The following FGF12 variants were observed in gnomAD, a reference collection of about 807,000 sequenced individuals.
FGF12 encodes the protein fibroblast growth factor 12.
FGF12 carries 14 observed loss-of-function variants against 23.6 expected under a neutral mutation model. The ratio of observed to expected loss-of-function variants is 0.59; its 90% CI spans 0.39 to 0.93. The LOEUF (loss-of-function observed/expected upper bound fraction) is 0.93, where lower values mean the gene tolerates loss of function less well. Ranked by LOEUF, FGF12 falls within the 40% of genes least tolerant of loss-of-function variation. The probability of loss-of-function intolerance (pLI) is 0.00; values close to 1 mark genes in which losing one functional copy is unlikely to be tolerated. For missense variants in FGF12, 175 were observed against 217.8 expected (o/e 0.80, Z 1.24); for synonymous variants, 62 against 77.3 (o/e 0.80, Z 1.04).
At chr3:192,567,501 C>T (rs2108599945) in intron 2 of FGF12, among the ~76,000 whole-genome samples, 1 of 152,194 alleles carries the variant, frequency 6.6e-6, no homozygotes, top group Admixed American at 6.5e-5. Flanking sequence ...ATGGTGCTTG[C>T]ATTCATTTTC....
chr3:192,690,455 A>T (rs1717905079), intron 2 of FGF12, among the ~76,000 whole-genome samples: 1 of 151,980 alleles, frequency 6.6e-6, no homozygotes, highest in Admixed American at 6.6e-5. Context: ...CTGTGATCAA[A>T]GTGGGTATCA....
Position 192,142,619 on chromosome 3 carries a change from G to C in FGF12, c.*1390C>G, listed in dbSNP as rs1483407461. 1 of 151,736 alleles carries C rather than the reference G, an allele frequency of 6.6e-6. No homozygotes were observed. Among genetic ancestry groups the C allele is most frequent in the Non-Finnish European group, 1.5e-5 (1 of 67,924 alleles). 9.4% of individuals were successfully genotyped at this position (151,736 alleles called of 1,614,324 possible). A position where few individuals can be genotyped will look rare whatever the true frequency, so the allele number is the denominator to read the frequency against. ...TTCCTTGATTTTTAAAAATACTTTA[G>C]TATTCTTAACTATGTATGTGCCTTC... On this transcript the variant is annotated 3_prime_UTR_variant, in exon 6 of 6. Coordinates refer to ENST00000445105, the MANE Select transcript of FGF12 (RefSeq NM_004113.6).
At chr3:192,443,900 TCAAA>T (rs1432663577) in intron 2 of FGF12, among the ~76,000 whole-genome samples, 5 of 152,070 alleles carry the variant, frequency 3.3e-5, no homozygotes, top group Admixed American at 6.6e-5. Flanking sequence ...ACAAGAGAGC[TCAAA>T]CAGAGTGGCT....
intron 4 of FGF12, among the ~76,000 whole-genome samples, chr3:192,231,251 C>G (rs544370570): frequency 6.6e-6 from 1 of 152,082 alleles, no homozygotes; most frequent in East Asian, 1.9e-4. Flanking sequence ...CATGGAAAAT[C>G]TGAAAATGCC....
chr3:192,367,269 A>T (rs1438717845), intron 2 of FGF12, among the ~76,000 whole-genome samples: 2 of 152,162 alleles, frequency 1.3e-5, no homozygotes, highest in Non-Finnish European at 2.9e-5. Flanking sequence ...TTAAACATAG[A>T]TTGTGGAGTA....
intron 4 of FGF12, among the ~76,000 whole-genome samples, chr3:192,300,406 T>G (rs1186135906): frequency 6.6e-6 from 1 of 152,096 alleles, no homozygotes; most frequent in Non-Finnish European, 1.5e-5. Flanking sequence ...ACCTAATAGT[T>G]TACCTTAATT....
At chr3:192,574,820 G>A (rs926197315) in intron 2 of FGF12, among the ~76,000 whole-genome samples, 1 of 152,228 alleles carries the variant, frequency 6.6e-6, no homozygotes, top group African/African-American at 2.4e-5. Flanking sequence ...AACTGCACAT[G>A]CAGAAGTGGT....
At chr3:192,613,246 A>G (rs1214557810) in intron 2 of FGF12, among the ~76,000 whole-genome samples, 1 of 151,876 alleles carries the variant, frequency 6.6e-6, no homozygotes, top group Non-Finnish European at 1.5e-5. Context: ...ACTTTATTGT[A>G]TAATTTCTCC....
At chr3:192,654,244 A>G (rs1716314748) in intron 2 of FGF12, among the ~76,000 whole-genome samples, 1 of 152,244 alleles carries the variant, frequency 6.6e-6, no homozygotes. Context: ...ACTATAGGTT[A>G]TCTGGCTGTG....
intron 4 of FGF12, among the ~76,000 whole-genome samples, chr3:192,193,453 C>A (rs181454801): frequency 2.0e-5 from 3 of 152,312 alleles, no homozygotes; most frequent in African/African-American, 7.2e-5. Context: ...CACTCCTCAG[C>A]AGTGATCCAA....
chr3:192,229,745 A>G (rs938783358), intron 4 of FGF12, among the ~76,000 whole-genome samples: 6 of 152,138 alleles, frequency 3.9e-5, no homozygotes, highest in Non-Finnish European at 8.8e-5. Context: ...GCTGAACTAC[A>G]TGCTATTCCT....
chr3:192,315,672 T>G (rs1240737532), intron 4 of FGF12, among the ~76,000 whole-genome samples: 5 of 152,194 alleles, frequency 3.3e-5, no homozygotes, highest in Non-Finnish European at 7.3e-5. Flanking sequence ...AAACTACTAA[T>G]GTTTTTACAT....
intron 2 of FGF12, among the ~76,000 whole-genome samples, chr3:192,568,380 T>C (rs1712440839): frequency 6.6e-6 from 1 of 152,174 alleles, no homozygotes; most frequent in Non-Finnish European, 1.5e-5. Flanking sequence ...TATGGACTCC[T>C]ACCCTTCCGT....
intron 4 of FGF12, among the ~76,000 whole-genome samples, chr3:192,178,830 C>G (rs1356647734): frequency 6.6e-6 from 1 of 152,138 alleles, no homozygotes; most frequent in Admixed American, 6.6e-5. Context: ...ACCACCTTCT[C>G]TGTTTGCTGT....
At chr3:192,678,022 C>G (rs1030640431) in intron 2 of FGF12, among the ~76,000 whole-genome samples, 1 of 152,180 alleles carries the variant, frequency 6.6e-6, no homozygotes, top group Non-Finnish European at 1.5e-5. Flanking sequence ...AGTAAAACAT[C>G]ATAAGAACAG....
chr3:192,714,296 G>A (rs1036499439), intron 2 of FGF12, among the ~76,000 whole-genome samples: 10 of 151,992 alleles, frequency 6.6e-5, no homozygotes, highest in Admixed American at 1.3e-4. Context: ...CTCTGTCTTC[G>A]CTAAGGAAGG....
chr3:192,400,212 C>T (rs2108769753), intron 2 of FGF12, among the ~76,000 whole-genome samples: 1 of 152,178 alleles, frequency 6.6e-6, no homozygotes, highest in Middle Eastern at 3.4e-3. Flanking sequence ...AAAAATAGAA[C>T]TTTATAAAAT....
intron 4 of FGF12, among the ~76,000 whole-genome samples, chr3:192,179,480 A>G (rs911774146): frequency 2.6e-5 from 4 of 151,602 alleles, no homozygotes; most frequent in Admixed American, 2.6e-4. Flanking sequence ...TGAGCAAGTT[A>G]CTTAATTTCT....
intron 2 of FGF12, among the ~76,000 whole-genome samples, chr3:192,544,867 C>A (rs1174621065): frequency 6.6e-6 from 1 of 152,126 alleles, no homozygotes. Context: ...TTTGTATTTC[C>A]ATTCAGTCTG....
Sources: allele counts gnomAD v4.1 joint callset (sites outside exome capture counted in the v4.1 genomes callset), GRCh38; gene constraint gnomAD v4.1.1; transcripts MANE v1.5; gene names NCBI Gene and HGNC (gene_info 2026-07-23, HGNC 2026-07-21).